The following SPAG16 variants were observed in gnomAD, a reference collection of about 807,000 sequenced individuals.
SPAG16 encodes sperm-associated antigen 16 protein.
Under a neutral mutation model 80.4 loss-of-function variants are expected in SPAG16, and 86 were observed. The observed-to-expected ratio is 1.07, with a 90% confidence interval of 0.90 to 1.28. The LOEUF (loss-of-function observed/expected upper bound fraction) is 1.28. Ranked by LOEUF, SPAG16 falls within the 50% of genes most tolerant of loss-of-function variation. SPAG16 has a pLI of 0.00. For synonymous variants in SPAG16, 294 were observed against 265.9 expected, an observed-to-expected ratio of 1.11 and a Z score of -1.03; for missense variants, 870 against 765.3, an observed-to-expected ratio of 1.14 and a Z score of -1.61.
At chr2:213,782,338 G>A (rs1323348312) in intron 10 of SPAG16, among the ~76,000 whole-genome samples, 1 of 151,732 alleles carries the variant, frequency 6.6e-6, no homozygotes, top group Non-Finnish European at 1.5e-5. Context: ...ATGGAAACAG[G>A]GAAATCTCAA....
intron 14 of SPAG16, among the ~76,000 whole-genome samples, chr2:214,133,566 A>G (rs906497116): frequency 1.3e-5 from 2 of 152,172 alleles, no homozygotes; most frequent in Non-Finnish European, 2.9e-5. Flanking sequence ...CTGAGGCAGG[A>G]GAATCACTTG....
chr2:213,703,107 T>G (rs1288825043), intron 10 of SPAG16, among the ~76,000 whole-genome samples: 1 of 152,132 alleles, frequency 6.6e-6, no homozygotes, highest in Admixed American at 6.5e-5. Flanking sequence ...TCTTTTTCCC[T>G]CTCCTGTGAT....
chr2:214,204,447 T>C (rs1294139387), intron 15 of SPAG16, among the ~76,000 whole-genome samples: 1 of 152,210 alleles, frequency 6.6e-6, no homozygotes, highest in Non-Finnish European at 1.5e-5. Context: ...CCACCTCTAC[T>C]AGAGCAGGTG....
chr2:213,284,676 G>T (rs967446304), intron 1 of SPAG16, 57 bp downstream of exon 1: 5 of 1,549,498 alleles, frequency 3.2e-6, no homozygotes, highest in East Asian at 2.3e-5. Flanking sequence ...GTGTTGGGAC[G>T]AAGGCGAGGG....
chr2:213,871,391 C>G (rs1000790052), intron 11 of SPAG16, among the ~76,000 whole-genome samples: 72 of 151,948 alleles, frequency 4.7e-4, no homozygotes, highest in Non-Finnish European at 1.5e-4. Flanking sequence ...AGAAAAATTG[C>G]TGAAACTTAC....
chr2:214,262,737 A>G (rs1691267747), intron 15 of SPAG16, among the ~76,000 whole-genome samples: 1 of 152,114 alleles, frequency 6.6e-6, no homozygotes, highest in African/African-American at 2.4e-5. Context: ...ATTCTAATAA[A>G]CAATGAAATA....
intron 10 of SPAG16, among the ~76,000 whole-genome samples, chr2:213,779,598 T>A (rs943453531): frequency 2.6e-5 from 4 of 152,148 alleles, no homozygotes; most frequent in African/African-American, 9.7e-5. Flanking sequence ...ATAAAAAAAA[T>A]TATCATTCCC....
At chr2:213,703,686 A>G (rs1454488313) in intron 10 of SPAG16, among the ~76,000 whole-genome samples, 1 of 152,138 alleles carries the variant, frequency 6.6e-6, no homozygotes, top group East Asian at 1.9e-4. Context: ...AGTCCATCTC[A>G]GCTTGAGCGG....
At chr2:214,383,484 T>C (rs1424815148) in intron 15 of SPAG16, among the ~76,000 whole-genome samples, 3 of 150,652 alleles carry the variant, frequency 2.0e-5, no homozygotes, top group Non-Finnish European at 4.4e-5. Context: ...GGCATGCCAA[T>C]CGCTGGAGCT....
At chr2:214,387,863 C>T (rs115250798) in intron 15 of SPAG16, among the ~76,000 whole-genome samples, 1,695 of 152,238 alleles carry the variant, frequency 0.011, 10 homozygotes, top group Non-Finnish European at 0.018. Context: ...GTGATCTTCA[C>T]CTGGTCTCTC....
At chr2:213,611,539 G>T (rs1017626547) in intron 10 of SPAG16, among the ~76,000 whole-genome samples, 2 of 152,126 alleles carry the variant, frequency 1.3e-5, no homozygotes. Flanking sequence ...GGTTTAAATG[G>T]AGTGTTTAGT....
At chr2:214,245,099 T>C (rs1438494770) in intron 15 of SPAG16, among the ~76,000 whole-genome samples, 3 of 152,194 alleles carry the variant, frequency 2.0e-5, no homozygotes, top group African/African-American at 7.2e-5. Flanking sequence ...AAATTATGCA[T>C]GTCTTCAAAT....
intron 10 of SPAG16, among the ~76,000 whole-genome samples, chr2:213,531,449 G>A (rs1400307180): frequency 6.7e-6 from 1 of 150,202 alleles, no homozygotes; most frequent in African/African-American, 2.4e-5. Context: ...CAGCAATTTA[G>A]CAATAGAGGA....
At chr2:213,347,075 T>C (rs1332988640) in intron 6 of SPAG16, among the ~76,000 whole-genome samples, 2 of 152,190 alleles carry the variant, frequency 1.3e-5, no homozygotes, top group African/African-American at 4.8e-5. Context: ...CTGCAATTGG[T>C]CTATTCAGAG....
intron 10 of SPAG16, among the ~76,000 whole-genome samples, chr2:213,574,060 G>T (rs965830845): frequency 1.3e-5 from 2 of 152,108 alleles, no homozygotes; most frequent in Admixed American, 6.6e-5. Flanking sequence ...GAGAAAAAAA[G>T]AAATAAATAA....
chr2:214,333,111 T>C (rs989434273), intron 15 of SPAG16, among the ~76,000 whole-genome samples: 5 of 152,204 alleles, frequency 3.3e-5, no homozygotes, highest in Non-Finnish European at 5.9e-5. Flanking sequence ...ACCCCTTCCA[T>C]GATGTTGCAA....
chr2:213,554,729 A>G (rs2059372311), intron 10 of SPAG16, among the ~76,000 whole-genome samples: 1 of 152,048 alleles, frequency 6.6e-6, no homozygotes, highest in Non-Finnish European at 1.5e-5. Flanking sequence ...GAAAGTGTCA[A>G]AGCAGAATTA....
In SPAG16 at chr2:213,499,036, T is replaced by C. The variant is rs16850424; in HGVS notation, c.1070+8946T>C. Among the ~76,000 whole-genome samples, 1,343 of 152,254 alleles carry C rather than the reference T, an allele frequency of 8.8e-3. 18 individuals are homozygous for C. Among genetic ancestry groups the C allele is most frequent in the African/African-American group, 0.03 (1,255 of 41,542 alleles). On this transcript the variant is annotated intron_variant, in intron 10 of 15. Transcript: ENST00000331683. ...TCTTATTTGTGCTTTAAAATCTTTA[T>C]TTTTCAAGCCCTTAAGACACATTTG...
intron 10 of SPAG16, among the ~76,000 whole-genome samples, chr2:213,682,538 T>C (rs1258935780): frequency 6.6e-6 from 1 of 152,210 alleles, no homozygotes; most frequent in Non-Finnish European, 1.5e-5. Context: ...AGGAGCATTC[T>C]CTCTTACAGA....
Sources: gnomAD v4.1 joint callset for allele counts (sites outside exome capture counted in the v4.1 genomes callset) on GRCh38, gnomAD v4.1.1 for gene constraint, MANE v1.5 for transcripts, NCBI Gene and HGNC (gene_info 2026-07-23, HGNC 2026-07-21) for gene names.